CTDSP1: variants seen among roughly 807,000 people sequenced by gnomAD.
The protein encoded by CTDSP1 is carboxy-terminal domain RNA polymerase II polypeptide A small phosphatase 1.
Under a neutral mutation model 32.5 loss-of-function variants are expected in CTDSP1, and 15 were observed. The observed-to-expected ratio is 0.46, with a 90% CI of 0.31 to 0.71. CTDSP1 has a LOEUF of 0.71. Among genes scored for constraint, CTDSP1 ranks in the 30% least tolerant of loss-of-function variants. CTDSP1 has a pLI of 0.05. For synonymous variants in CTDSP1, 185 were observed against 145.4 expected, an observed-to-expected ratio of 1.27 and a Z score of -1.96; for missense variants, 294 against 351.1, an observed-to-expected ratio of 0.84 and a Z score of 1.30.
upstream of CTDSP1, among the ~76,000 whole-genome samples, chr2:218,397,117 G>T (rs1439649295): frequency 6.6e-6 from 1 of 152,146 alleles, no homozygotes; most frequent in South Asian, 2.1e-4. Flanking sequence ...AGCTTTCTGG[G>T]GACGTCTTAG....
Position 218,404,375 on chromosome 2 carries a change from C to A in CTDSP1, c.736C>A (p.Arg246Ser), listed in dbSNP as rs34580478. Residue 246 changes from arginine (R) to serine (S), a missense_variant, in exon 7 of 7, where the codon CGT becomes AGT. Around this residue, in one of 2 missense-constraint regions of CTDSP1, gnomAD observed 146 missense variants for 237.7 expected, o/e 0.61. Transcript: ENST00000273062. ...DLLPFFEQLS[R>S]VDDVYSVLRQ... ...CCTCCCCTTCTTCGAGCAACTCAGC[C>A]GTGTGGACGACGTGTACTCAGTGCT... 2 of 1,614,130 alleles carry A rather than the reference C, an allele frequency of 1.2e-6. No individual in the cohort carries two copies. Among genetic ancestry groups the A allele is most frequent in the Admixed American group, 1.7e-5 (1 of 60,016 alleles).
In CTDSP1 at chr2:218,405,403, A is replaced by T. The variant is rs571183525; in HGVS notation, c.*978A>T. 2 of 152,746 alleles carry T rather than the reference A, an allele frequency of 1.3e-5. No individual in the cohort carries two copies. Among genetic ancestry groups the T allele is most frequent in the Admixed American group, 1.3e-4 (2 of 15,312 alleles). 9.5% of individuals were successfully genotyped at this position (152,746 alleles called of 1,614,324 possible). A position where few individuals can be genotyped will look rare whatever the true frequency, so the allele number is the denominator to read the frequency against. On this transcript the variant is annotated 3_prime_UTR_variant, in exon 7 of 7. Coordinates refer to ENST00000273062, the MANE Select transcript of CTDSP1 (RefSeq NM_021198.3). ...CTTTGCTCCGTTCATTCATTCAAAA[A>T]AACATTTCTTGAGCACCTTCTGTGC...
At position 218,401,232 on chromosome 2, in the gene CTDSP1, A is replaced by G. The variant is rs1204100543; in HGVS notation, c.68-332A>G. ...GGTGCTCAGGTAAGGTGGGGTCAGG[A>G]GGCACCGCAATGGGGCTGATCAGCA... On this transcript the variant is annotated intron_variant, in intron 1 of 6. Coordinates refer to ENST00000273062, the MANE Select transcript of CTDSP1 (RefSeq NM_021198.3). The G allele has an allele frequency of 1.5e-5, 6 of 411,042 alleles. 1 individual carries two copies. The highest frequency in any genetic ancestry group is 1.2e-4 in the African/African-American group (6 of 48,868). 25.5% of individuals were successfully genotyped at this position (411,042 alleles called of 1,614,324 possible). A position where few individuals can be genotyped will look rare whatever the true frequency, so the allele number is the denominator to read the frequency against.
chr2:218,398,252 G>A (rs1026376327), upstream of CTDSP1: 2 of 675,286 alleles, frequency 3.0e-6, no homozygotes, highest in Non-Finnish European at 5.1e-6. Flanking sequence ...CTTGCCGGTA[G>A]ACCCGAAGCA....
chr2:218,400,454 GC>G (rs1198662350), intron 1 of CTDSP1: 11 of 490,154 alleles, frequency 2.2e-5, no homozygotes, highest in South Asian at 1.4e-4. Flanking sequence ...GTGCATGGGC[GC>G]CCCCCCACCA....
chr2:218,400,065 G>C lies in CTDSP1; in HGVS notation c.-26G>C. 2.2e-6 allele frequency: 3 copies of C among 1,349,934 alleles called. No individual in the cohort carries two copies. Among genetic ancestry groups the C allele is most frequent in the South Asian group, 1.5e-5 (1 of 65,052 alleles). 83.6% of individuals were successfully genotyped at this position (1,349,934 alleles called of 1,614,324 possible). ...AGGCCGGGCGCCCGGGCCAGAGTCCGGCCGGAGCGGAGCGCGCCCGGCCCC... is the reference window on the plus strand; with the variant it reads ...AGGCCGGGCGCCCGGGCCAGAGTCCCGCCGGAGCGGAGCGCGCCCGGCCCC... On this transcript the variant is annotated 5_prime_UTR_variant, in exon 1 of 7. Transcript: ENST00000273062.
Position 218,405,870 on chromosome 2 carries a change from TC to T in CTDSP1, c.*1448del, listed in dbSNP as rs1273843544. 2 of 153,112 alleles carry T rather than the reference TC, an allele frequency of 1.3e-5. No homozygotes were observed. The highest frequency in any genetic ancestry group is 3.8e-4 in the East Asian group (2 of 5,330). 9.5% of individuals were successfully genotyped at this position (153,112 alleles called of 1,614,324 possible). On this transcript the variant is annotated 3_prime_UTR_variant, in exon 7 of 7. Coordinates refer to ENST00000273062, the MANE Select transcript of CTDSP1 (RefSeq NM_021198.3). ...ATGGTTGGCCTGCATCAGGTGGCCT[TC>T]CCATTTAAGTGCCTTCTCTGTGACT...
chr2:218,404,553 C>A lies in CTDSP1; in HGVS notation c.*128C>A. ...ACACTCAGTGCCATGGGGAAGCGGG[C>A]GTCTCCCCCACCAGCCCCACCAGGC... On this transcript the variant is annotated 3_prime_UTR_variant, in exon 7 of 7. Transcript: ENST00000273062. The A allele has an allele frequency of 8.1e-7, 1 of 1,227,204 alleles. No individual in the cohort carries two copies. Among genetic ancestry groups the A allele is most frequent in the Non-Finnish European group, 1.1e-6 (1 of 884,712 alleles). The allele number at this position is 1,227,204 out of a possible 1,614,324, so 76.0% of individuals were successfully genotyped here.
Position 218,400,006 on chromosome 2 carries a change from C to A in CTDSP1, c.-85C>A, listed in dbSNP as rs1212118615. The A allele has an allele frequency of 2.0e-5, 26 of 1,306,966 alleles. No homozygotes were observed. Among genetic ancestry groups the A allele is most frequent in the Non-Finnish European group, 2.3e-5 (23 of 1,021,092 alleles). 81.0% of individuals were successfully genotyped at this position (1,306,966 alleles called of 1,614,324 possible). On this transcript the variant is annotated 5_prime_UTR_variant, in exon 1 of 7. Coordinates refer to ENST00000273062, the MANE Select transcript of CTDSP1 (RefSeq NM_021198.3). ...CCCTCCCTCCCACCCCTCCCCTCCC[C>A]CCCGCGCCCCGATTCCGGCCCCAGC...
Position 218,404,490 on chromosome 2 carries a change from G to T in CTDSP1, c.*65G>T. 6.3e-7 allele frequency: 1 copy of T among 1,586,434 alleles called. No homozygotes were observed. Among genetic ancestry groups the T allele is most frequent in the South Asian group, 1.1e-5 (1 of 89,466 alleles). ...ACCCACACCTCCTCCCAGGAAGACT[G>T]CCCAGGCCTTTGTTAGGAAAACCCA... On this transcript the variant is annotated 3_prime_UTR_variant, in exon 7 of 7. Transcript: ENST00000273062.
chr2:218,397,212 G>T (rs1696853579), upstream of CTDSP1, among the ~76,000 whole-genome samples: 1 of 152,314 alleles, frequency 6.6e-6, no homozygotes, highest in Middle Eastern at 3.4e-3. Context: ...GGCTACCCAG[G>T]ACCTGGGCAA....
chr2:218,403,755 A>G (rs1041982811), intron 6 of CTDSP1: 2 of 247,578 alleles, frequency 8.1e-6, no homozygotes, highest in Non-Finnish European at 1.5e-5. Flanking sequence ...ATTTTAACAA[A>G]ATGAAATAGA....
chr2:218,399,876 C>T lies in CTDSP1; in HGVS notation c.-215C>T. 1 of 1,248,464 alleles carries T rather than the reference C, an allele frequency of 8.0e-7. No individual in the cohort carries two copies. 77.3% of individuals were successfully genotyped at this position (1,248,464 alleles called of 1,614,324 possible). A position where few individuals can be genotyped will look rare whatever the true frequency, so the allele number is the denominator to read the frequency against. On this transcript the variant is annotated 5_prime_UTR_variant, in exon 1 of 7. Coordinates refer to ENST00000273062, the MANE Select transcript of CTDSP1 (RefSeq NM_021198.3). Reference sequence around the variant, plus strand: ...GCCTGGGTTCCATGTTTGCATCCGCCTCGCGGGAAGGAAACTCCATGTTGT... The same window carrying T: ...GCCTGGGTTCCATGTTTGCATCCGCTTCGCGGGAAGGAAACTCCATGTTGT...
In CTDSP1 at chr2:218,404,285, C is replaced by T. The variant is rs1427342423; in HGVS notation, c.658-12C>T. 5 of 1,613,596 alleles carry T rather than the reference C, an allele frequency of 3.1e-6. No homozygotes were observed. The highest frequency in any genetic ancestry group is 4.5e-5 in the East Asian group (2 of 44,872). On this transcript the variant is annotated splice_polypyrimidine_tract_variant and intron_variant, in intron 6 of 6. Coordinates refer to ENST00000273062, the MANE Select transcript of CTDSP1 (RefSeq NM_021198.3). ...ACCTGCCCCCCTCATCTTCCTACAC[C>T]CACTTCCCCAGGTACCGGTGGCCTC...
intron 1 of CTDSP1, chr2:218,400,501 G>A: frequency 4.8e-6 from 2 of 413,422 alleles, no homozygotes; most frequent in Non-Finnish European, 9.2e-6. Context: ...GGGGAGCTGA[G>A]GAGGGCGCCT....
intron 1 of CTDSP1, chr2:218,400,976 GGGGTGGGGTGGGA>G: frequency 2.2e-6 from 1 of 446,070 alleles, no homozygotes; most frequent in Admixed American, 2.4e-5. Flanking sequence ...GGGCCGGAGG[GGGGTGGGGTGGGA>G]GGGGTATCTG....
At chr2:218,397,702 C>CA (rs1466173850), upstream of CTDSP1, among the ~76,000 whole-genome samples, 1 of 152,162 alleles carries the variant, frequency 6.6e-6, no homozygotes, top group East Asian at 1.9e-4. Flanking sequence ...CCTGTAGAGA[C>CA]AGAGGGCAGC....
chr2:218,401,399 G>T (rs1437285618), intron 1 of CTDSP1, 165 bp from the exon 2 acceptor site: 3 of 708,414 alleles, frequency 4.2e-6, no homozygotes, highest in East Asian at 2.7e-5. Flanking sequence ...TGATTGTGGA[G>T]CCCTGACAGG....
At chr2:218,400,700 G>C (rs1348674793) in intron 1 of CTDSP1, 1 of 455,680 alleles carries the variant, frequency 2.2e-6, no homozygotes. Flanking sequence ...CCCCTCGGAG[G>C]CACAGAGAGG....
Sources: allele counts gnomAD v4.1 joint callset (sites outside exome capture counted in the v4.1 genomes callset), GRCh38; gene constraint gnomAD v4.1.1; regional missense constraint gnomAD v4.1.1; transcripts MANE v1.5; gene names NCBI Gene and HGNC (gene_info 2026-07-23, HGNC 2026-07-21).